MYO1D: variants seen among roughly 807,000 people sequenced by gnomAD.
The protein encoded by MYO1D is unconventional myosin-Id.
A neutral mutation model predicts 122.0 loss-of-function variants in MYO1D; 83 were observed. The ratio of observed to expected loss-of-function variants is 0.68; its 90% confidence interval spans 0.57 to 0.82. MYO1D has a LOEUF of 0.82. MYO1D is among the 40% of genes least tolerant of loss of function. The pLI is 0.00. For synonymous variants in MYO1D, 464 were observed against 446.9 expected (o/e 1.04, Z -0.48); for missense variants, 1,157 against 1,269.5 (o/e 0.91, Z 1.35).
intron 11 of MYO1D, among the ~76,000 whole-genome samples, chr17:32,751,970 C>A (rs1342759168): frequency 6.6e-6 from 1 of 152,076 alleles, no homozygotes; most frequent in East Asian, 1.9e-4. Flanking sequence ...ATAGCCAAAG[C>A]AATTCTAAGC....
At chr17:32,591,664 CAA>C (rs112581480) in intron 21 of MYO1D, among the ~76,000 whole-genome samples, 2 of 145,154 alleles carry the variant, frequency 1.4e-5, no homozygotes, top group African/African-American at 5.0e-5. Flanking sequence ...GTGATTTCAT[CAA>C]AAAAAAAAAC....
chr17:32,669,697 T>C (rs1404211952), intron 16 of MYO1D, among the ~76,000 whole-genome samples: 1 of 152,032 alleles, frequency 6.6e-6, no homozygotes, highest in Non-Finnish European at 1.5e-5. Context: ...TGGGAAGCAA[T>C]GAAATCAAAC....
chr17:32,534,931 G>A (rs535186417), intron 21 of MYO1D, among the ~76,000 whole-genome samples: 5 of 152,298 alleles, frequency 3.3e-5, no homozygotes, highest in Non-Finnish European at 5.9e-5. Flanking sequence ...TAGTCAATCT[G>A]TGTGCCCAAC....
At chr17:32,571,592 AG>A (rs2087228674) in intron 21 of MYO1D, among the ~76,000 whole-genome samples, 1 of 152,218 alleles carries the variant, frequency 6.6e-6, no homozygotes, top group Non-Finnish European at 1.5e-5. Context: ...AAGTCAAGAA[AG>A]GAAGTAGCCA....
chr17:32,745,491 GAT>G (rs1486547009), intron 12 of MYO1D: 2 of 433,362 alleles, frequency 4.6e-6, no homozygotes, highest in Admixed American at 4.2e-5. Flanking sequence ...TTATGATTAA[GAT>G]GATAATTCCC....
At chr17:32,775,583 G>A (rs963766163) in intron 4 of MYO1D, among the ~76,000 whole-genome samples, 3 of 152,064 alleles carry the variant, frequency 2.0e-5, no homozygotes, top group Non-Finnish European at 4.4e-5. Context: ...ATTGACTTTC[G>A]GTTAAACCTT....
rs937436332 is a variant in MYO1D, at chr17:32,610,107, C to T, written c.2710-4866G>A. On this transcript the variant is annotated intron_variant, in intron 20 of 21. Transcript: ENST00000318217. ...CAGCATATCCCAGGAGCATTAGCTG[C>T]AGGGGTTCAGGGAAAAGAGACAGAT... 7.9e-5 allele frequency among the ~76,000 whole-genome samples: 12 copies of T among 152,190 alleles called. No homozygotes were observed. The South Asian group carries it at 1.7e-3, about 21-fold the overall frequency.
At chr17:32,749,047 T>G in intron 11 of MYO1D, 41 bp from the exon 12 acceptor site, 1 of 1,536,320 alleles carries the variant, frequency 6.5e-7, no homozygotes, top group Non-Finnish European at 9.0e-7. Flanking sequence ...AACAGACATT[T>G]TTGCTTTCCT....
intron 21 of MYO1D, among the ~76,000 whole-genome samples, chr17:32,512,687 G>A (rs1909736380): frequency 6.6e-6 from 1 of 152,208 alleles, no homozygotes; most frequent in Non-Finnish European, 1.5e-5. Context: ...CACTGAACAG[G>A]GTGCCAAGGG....
chr17:32,503,643 C>G (rs1303350609), intron 21 of MYO1D, among the ~76,000 whole-genome samples: 2 of 152,170 alleles, frequency 1.3e-5, no homozygotes, highest in Non-Finnish European at 2.9e-5. Context: ...CAAGCAGAGA[C>G]AGGTGCTTTT....
In MYO1D at chr17:32,577,887, C is replaced by T. The variant is rs926765140; in HGVS notation, c.2864+27200G>A. Among the ~76,000 whole-genome samples the T allele has an allele frequency of 6.6e-5, 10 of 152,150 alleles. No homozygotes were observed. In the East Asian group the frequency reaches 7.7e-4, roughly 12 times the overall value. On this transcript the variant is annotated intron_variant, in intron 21 of 21. Transcript: ENST00000318217. ...CTGAGTAGCTGGGACTACAGGCACC[C>T]GCCACCACGCCTGGCTAATTTTTTT...
At chr17:32,822,535 C>G (rs1459488689) in intron 1 of MYO1D, among the ~76,000 whole-genome samples, 1 of 150,696 alleles carries the variant, frequency 6.6e-6, no homozygotes, top group African/African-American at 2.4e-5. Flanking sequence ...CCTCCCCGTT[C>G]ACTGCCGGGG....
intron 21 of MYO1D, among the ~76,000 whole-genome samples, chr17:32,509,596 T>C (rs763874352): frequency 6.6e-5 from 10 of 152,078 alleles, no homozygotes; most frequent in Non-Finnish European, 1.3e-4. Flanking sequence ...TTCTTTCTTT[T>C]TTTTTTTGAG....
At chr17:32,533,950 G>T (rs1910586393) in intron 21 of MYO1D, among the ~76,000 whole-genome samples, 1 of 152,162 alleles carries the variant, frequency 6.6e-6, no homozygotes, top group Non-Finnish European at 1.5e-5. Context: ...AAAGTTTTCT[G>T]TTAATAGGAA....
At chr17:32,510,272 G>A (rs989274881) in intron 21 of MYO1D, 16 of 152,228 alleles carry the variant, frequency 1.1e-4, no homozygotes, top group African/African-American at 3.9e-4. Flanking sequence ...AATACCAGGT[G>A]CTTCTGAGTC....
At chr17:32,517,696 T>G (rs1247144522) in intron 21 of MYO1D, among the ~76,000 whole-genome samples, 1 of 152,190 alleles carries the variant, frequency 6.6e-6, no homozygotes, top group Non-Finnish European at 1.5e-5. Flanking sequence ...CCGCTTTGCT[T>G]CAGATAAATG....
At chr17:32,754,772 T>C (rs2089930375) in intron 11 of MYO1D, among the ~76,000 whole-genome samples, 2 of 152,212 alleles carry the variant, frequency 1.3e-5, no homozygotes, top group African/African-American at 4.8e-5. Flanking sequence ...GGGGCGATGA[T>C]GATGTGTTCC....
chr17:32,778,482 T>C lies in MYO1D; in HGVS notation c.396A>G (p.Glu132=). The change falls in exon 3 of 22, where the codon GAA becomes GAG. Residue 132 remains glutamate, a splice_region_variant and synonymous_variant. Coordinates refer to ENST00000318217, the MANE Select transcript of MYO1D (RefSeq NM_015194.3). ...ITNPSQRAEV[E]RVKNMLLKSN... is the part of the protein sequence containing the mutation. ...CCCCATTATTAGAGTGCTCTTACCT[T>C]TCAACCTCTGCTCTCTGACTGGGGT... is the stretch of plus-strand genomic sequence containing the variant. 5.6e-6 allele frequency: 9 copies of C among 1,611,678 alleles called. No homozygotes were observed. The highest frequency in any genetic ancestry group is 7.6e-6 in the Non-Finnish European group (9 of 1,177,802).
intron 1 of MYO1D, among the ~76,000 whole-genome samples, chr17:32,829,810 T>A (rs1031934147): frequency 2.6e-5 from 4 of 152,156 alleles, no homozygotes; most frequent in Admixed American, 2.6e-4. Flanking sequence ...CTAGAGTACA[T>A]GCCTTGTGGG....
Sources: allele counts gnomAD v4.1 joint callset (sites outside exome capture counted in the v4.1 genomes callset), GRCh38; gene constraint gnomAD v4.1.1; transcripts MANE v1.5; gene names NCBI Gene and HGNC (gene_info 2026-07-23, HGNC 2026-07-21).